Variants in PAM observed in about 807,000 individuals in gnomAD.
PAM encodes the protein peptidyl-glycine alpha-amidating monooxygenase.
Under a neutral mutation model 122.1 loss-of-function variants are expected in PAM, and 72 were observed. That is an observed-to-expected ratio of 0.59 (90% CI 0.49 to 0.72). The LOEUF (loss-of-function observed/expected upper bound fraction) is 0.72, where lower values mean the gene tolerates loss of function less well. Ranked by LOEUF, PAM falls within the 30% of genes least tolerant of loss-of-function variation. The pLI is 0.00. For missense variants in PAM, 1,106 were observed against 1,183.7 expected, an observed-to-expected ratio of 0.93 and a Z score of 0.96; for synonymous variants, 389 against 404.4, an observed-to-expected ratio of 0.96 and a Z score of 0.46.
intron 7 of PAM, among the ~76,000 whole-genome samples, chr5:102,934,989 T>G (rs1462361165): frequency 6.6e-6 from 1 of 152,206 alleles, no homozygotes; most frequent in Admixed American, 6.5e-5. Context: ...TGGATGTATC[T>G]GCACATTTTC....
intron 3 of PAM, among the ~76,000 whole-genome samples, chr5:102,882,052 AATATATATATATATATATATAT>A (rs61367764): frequency 0.023 from 1,436 of 62,028 alleles, 129 homozygotes; most frequent in African/African-American, 0.06. Flanking sequence ...TCCATCGTGG[AATATATATATATATATATATAT>A]ATATATATAT....
chr5:102,919,912 T>C (rs1243295649), intron 5 of PAM, among the ~76,000 whole-genome samples: 1 of 152,132 alleles, frequency 6.6e-6, no homozygotes, highest in African/African-American at 2.4e-5. Flanking sequence ...TAGTGTCAAC[T>C]TTAATAAAAT....
At position 102,805,382 on chromosome 5, in the gene PAM, C is replaced by G. The variant is rs79068555; in HGVS notation, c.-374+50034C>G. Reference sequence around the variant, plus strand: ...TGCACCTGGCCCCTCATCTTCCCTTCTAACTACTGTTTTCTTTCAGTTTGA... The same window carrying G: ...TGCACCTGGCCCCTCATCTTCCCTTGTAACTACTGTTTTCTTTCAGTTTGA... On this transcript the variant is annotated intron_variant, in intron 1 of 25. Coordinates refer to ENST00000438793, the MANE Select transcript of PAM (RefSeq NM_001177306.2). Among the ~76,000 whole-genome samples, 826 of 152,228 alleles carry G rather than the reference C, an allele frequency of 5.4e-3. 3 individuals are homozygous for G. The highest frequency in any genetic ancestry group is 0.019 in the African/African-American group (771 of 41,534).
intron 21 of PAM, among the ~76,000 whole-genome samples, chr5:103,014,644 A>G (rs371305972): frequency 6.6e-6 from 1 of 152,164 alleles, no homozygotes; most frequent in East Asian, 1.9e-4. Flanking sequence ...CTGTTTGTGC[A>G]TACCCACTCC....
chr5:102,771,951 T>C (rs1755908579), intron 1 of PAM, among the ~76,000 whole-genome samples: 1 of 152,118 alleles, frequency 6.6e-6, no homozygotes, highest in Admixed American at 6.6e-5. Context: ...ATTGTTCCCA[T>C]TTGTTGAGGT....
At chr5:102,945,465 A>G (rs1375232865) in intron 7 of PAM, among the ~76,000 whole-genome samples, 5 of 150,740 alleles carry the variant, frequency 3.3e-5, no homozygotes, top group African/African-American at 4.8e-5. Context: ...TAAACTATAT[A>G]TAAACTAAAT....
At chr5:102,802,996 G>A (rs1238601666) in intron 1 of PAM, among the ~76,000 whole-genome samples, 1 of 152,098 alleles carries the variant, frequency 6.6e-6, no homozygotes, top group Non-Finnish European at 1.5e-5. Flanking sequence ...GGTGGTGCAT[G>A]CCAGTAGTCC....
intron 1 of PAM, among the ~76,000 whole-genome samples, chr5:102,819,765 C>A (rs1371023804): frequency 1.3e-5 from 2 of 152,148 alleles, no homozygotes; most frequent in East Asian, 3.8e-4. Context: ...ATGTCTCGTA[C>A]TCTGAAAATG....
intron 1 of PAM, among the ~76,000 whole-genome samples, chr5:102,828,102 G>T (rs923834283): frequency 6.6e-6 from 1 of 152,088 alleles, no homozygotes; most frequent in African/African-American, 2.4e-5. Flanking sequence ...ACTTTAGGAG[G>T]CCGAGGCCAG....
At chr5:102,949,459 C>G in intron 9 of PAM, 78 bp from the exon 10 acceptor site, 1 of 798,196 alleles carries the variant, frequency 1.3e-6, no homozygotes, top group East Asian at 2.4e-5. Context: ...TGTGAATACC[C>G]TATGCATAAT....
intron 1 of PAM, among the ~76,000 whole-genome samples, chr5:102,847,592 C>G (rs932289080): frequency 6.6e-6 from 1 of 152,014 alleles, no homozygotes; most frequent in East Asian, 1.9e-4. Context: ...AAAGAAAATT[C>G]GATATTTAAA....
At chr5:102,942,736 ATTT>A (rs754559996) in intron 7 of PAM, among the ~76,000 whole-genome samples, 1 of 138,472 alleles carries the variant, frequency 7.2e-6, no homozygotes, top group Non-Finnish European at 1.5e-5. Context: ...TGCCCGGCTA[ATTT>A]TTTTTTTTTT....
At chr5:102,805,064 C>CTTTTTTT (rs527963126) in intron 1 of PAM, among the ~76,000 whole-genome samples, 1 of 103,772 alleles carries the variant, frequency 9.6e-6, no homozygotes, top group Non-Finnish European at 1.9e-5. Flanking sequence ...GGGAATTTTC[C>CTTTTTTT]TTTTTTTTTT....
chr5:102,864,294 C>T (rs1483832527), intron 1 of PAM, among the ~76,000 whole-genome samples: 2 of 151,354 alleles, frequency 1.3e-5, no homozygotes, highest in South Asian at 2.1e-4. Context: ...AATTGTTTCT[C>T]TTCCTCCAGA....
intron 1 of PAM, among the ~76,000 whole-genome samples, chr5:102,812,967 C>A (rs1397875339): frequency 6.6e-6 from 1 of 151,562 alleles, no homozygotes. Context: ...ACCCAAATAC[C>A]TTTAAACATT....
intron 16 of PAM, among the ~76,000 whole-genome samples, chr5:102,994,868 A>G (rs11959333): frequency 2.0e-5 from 3 of 152,214 alleles, no homozygotes; most frequent in African/African-American, 7.2e-5. Context: ...CATGCCTTTT[A>G]TATCTTCATA....
At chr5:102,888,075 A>G (rs1049600141) in intron 3 of PAM, among the ~76,000 whole-genome samples, 3 of 152,050 alleles carry the variant, frequency 2.0e-5, no homozygotes, top group Non-Finnish European at 4.4e-5. Flanking sequence ...TTTCTTCACC[A>G]GACTGCAGAC....
At chr5:102,963,339 G>A (rs1304951609) in intron 14 of PAM, among the ~76,000 whole-genome samples, 3 of 151,924 alleles carry the variant, frequency 2.0e-5, no homozygotes, top group South Asian at 4.1e-4. Flanking sequence ...ATTCTTCTTA[G>A]AGATATTTGT....
chr5:102,779,091 A>G (rs1048507867), intron 1 of PAM, among the ~76,000 whole-genome samples: 3 of 152,216 alleles, frequency 2.0e-5, no homozygotes, highest in South Asian at 2.1e-4. Flanking sequence ...AAAGATTCTC[A>G]ACCCTATTGG....
Sources: gnomAD v4.1 joint callset for allele counts (sites outside exome capture counted in the v4.1 genomes callset) on GRCh38, gnomAD v4.1.1 for gene constraint, MANE v1.5 for transcripts, NCBI Gene and HGNC (gene_info 2026-07-23, HGNC 2026-07-21) for gene names.